The following XRCC3 variants were observed in gnomAD, a reference collection of about 807,000 sequenced individuals.
The protein encoded by XRCC3 is X-ray repair cross complementing 3, also known as DNA repair protein XRCC3.
In XRCC3, 34 loss-of-function variants were observed where a neutral mutation model predicts 29.2. The observed-to-expected ratio is 1.16, with a 90% CI of 0.88 to 1.55. The LOEUF (loss-of-function observed/expected upper bound fraction) is 1.55. XRCC3 is among the 40% of genes most tolerant of loss of function. The pLI, the probability that XRCC3 is intolerant of heterozygous loss-of-function variation, is 0.00. For synonymous variants in XRCC3, 223 were observed against 211.3 expected (o/e 1.06, Z -0.48); for missense variants, 463 against 467.6 (o/e 0.99, Z 0.09).
At chr14:103,705,050 A>T (rs2083385548) in intron 6 of XRCC3, 1 of 152,202 alleles carries the variant, frequency 6.6e-6, no homozygotes, top group Non-Finnish European at 1.5e-5. Context: ...CAGAATTTCA[A>T]ACGTAAAGAA....
At chr14:103,714,953 G>T (rs1595683395) in intron 1 of XRCC3, among the ~76,000 whole-genome samples, 1 of 152,204 alleles carries the variant, frequency 6.6e-6, no homozygotes, top group Non-Finnish European at 1.5e-5. Flanking sequence ...CAAAGTGCTC[G>T]GATTACAGGC....
At chr14:103,712,502 C>T (rs889237562) in intron 2 of XRCC3, 6 of 152,372 alleles carry the variant, frequency 3.9e-5, no homozygotes, top group Admixed American at 1.3e-4. Flanking sequence ...TTGCCCGGCT[C>T]GAAAAGAGGT....
intron 1 of XRCC3, among the ~76,000 whole-genome samples, chr14:103,714,482 A>AAAT (rs1567064841): frequency 6.6e-6 from 1 of 151,904 alleles, no homozygotes; most frequent in African/African-American, 2.4e-5. Context: ...AAAAAAAAAA[A>AAAT]AGAAAAATAG....
At position 103,698,475 on chromosome 14, in the gene XRCC3, G is replaced by A. The variant is rs902157520; in HGVS notation, c.*323C>T. The A allele has an allele frequency of 6.3e-5, 25 of 398,100 alleles. No individual in the cohort carries two copies. The Admixed American group carries it at 8.5e-4, about 14-fold the overall frequency. 24.7% of individuals were successfully genotyped at this position (398,100 alleles called of 1,614,324 possible). On this transcript the variant is annotated 3_prime_UTR_variant, in exon 10 of 10. Coordinates refer to ENST00000555055, the MANE Select transcript of XRCC3 (RefSeq NM_005432.4). ...TCCATGTGGAGAGAAGAAGCAGGCG[G>A]CTCCCAGGGAGTCACTGTAGGACAC...
At chr14:103,706,335 G>C (rs1204040984) in intron 6 of XRCC3, 1 of 456,096 alleles carries the variant, frequency 2.2e-6, no homozygotes, top group Non-Finnish European at 4.4e-6. Context: ...GAGCCTAGCA[G>C]ATGTGCTCGG....
chr14:103,708,761 T>C, intron 4 of XRCC3, 102 bp from the exon 5 acceptor site: 1 of 1,497,770 alleles, frequency 6.7e-7, no homozygotes, highest in Non-Finnish European at 9.2e-7. Flanking sequence ...GAGAGCACCG[T>C]GCTTCCGATT....
At chr14:103,700,962 GT>G (rs1468594080) in intron 7 of XRCC3, among the ~76,000 whole-genome samples, 1 of 152,234 alleles carries the variant, frequency 6.6e-6, no homozygotes, top group Non-Finnish European at 1.5e-5. Context: ...AAGGCTCTGT[GT>G]CCACACCCCT....
chr14:103,699,652 C>T, intron 7 of XRCC3, 76 bp from the exon 8 acceptor site: 1 of 1,486,190 alleles, frequency 6.7e-7, no homozygotes, highest in Non-Finnish European at 9.3e-7. Context: ...TTTGGACTGT[C>T]ACTCGACCGT....
chr14:103,703,721 T>A (rs955284641), intron 6 of XRCC3: 22 of 299,906 alleles, frequency 7.3e-5, no homozygotes, highest in South Asian at 4.5e-4. Context: ...CTTCTGGAAA[T>A]GGCCCCTGAG....
Position 103,698,677 on chromosome 14 carries a change from G to GGAA in XRCC3, c.*118_*120dup, listed in dbSNP as rs2082786370. Reference sequence around the variant, plus strand: ...GATGAGAAAGTGGAGCCGCTGCCCTGGAAGAGCTGTGTCTGAACCAGGCTC... The same window carrying GGAA: ...GATGAGAAAGTGGAGCCGCTGCCCTGGAAGAAGAGCTGTGTCTGAACCAGGCTC... On this transcript the variant is annotated 3_prime_UTR_variant, in exon 10 of 10. Transcript: ENST00000555055. 1 of 894,160 alleles carries GGAA rather than the reference G, an allele frequency of 1.1e-6. No homozygotes were observed. The allele number at this position is 894,160 out of a possible 1,614,324, so 55.4% of individuals were successfully genotyped here. A position where few individuals can be genotyped will look rare whatever the true frequency, so the allele number is the denominator to read the frequency against.
intron 7 of XRCC3, chr14:103,701,871 TAAAAA>T (rs36085845): frequency 6.9e-6 from 1 of 144,484 alleles, no homozygotes; most frequent in South Asian, 2.2e-4. Context: ...GAGACTGTCT[TAAAAA>T]AAAAAAAGAG....
intron 6 of XRCC3, chr14:103,706,423 A>G (rs2083439990): frequency 2.2e-6 from 1 of 455,944 alleles, no homozygotes; most frequent in Non-Finnish European, 4.4e-6. Context: ...TGTTGACACC[A>G]GGGAATTAGT....
At chr14:103,714,006 T>A (rs567175849) in intron 1 of XRCC3, 6 of 152,318 alleles carry the variant, frequency 3.9e-5, no homozygotes, top group Admixed American at 3.9e-4. Flanking sequence ...CGCTCTCCAC[T>A]GCTACCAAGG....
At chr14:103,709,384 G>A (rs2083548653) in intron 4 of XRCC3, 1 of 157,730 alleles carries the variant, frequency 6.3e-6, no homozygotes. Flanking sequence ...GTGCGAGGAA[G>A]CGCACACGAG....
chr14:103,698,324 A>C lies in XRCC3; in HGVS notation c.*474T>G. 1 of 187,306 alleles carries C rather than the reference A, an allele frequency of 5.3e-6. No individual in the cohort carries two copies. The allele number at this position is 187,306 out of a possible 1,614,324, so 11.6% of individuals were successfully genotyped here. On this transcript the variant is annotated 3_prime_UTR_variant, in exon 10 of 10. Transcript: ENST00000555055. ...CTGCCTGCAGCCCCACTGTGGCCTG[A>C]GTGGTGGGGGAGTAAGGACTGCCCT...
Position 103,703,309 on chromosome 14 carries a change from G to T in XRCC3, c.425C>A (p.Thr142Lys), listed in dbSNP as rs201561134. The stretch of plus-strand genomic sequence containing the variant: ...GCGCTTGTGCGGGAAGGCGTCTTCC[G>T]TGCAGATGTAGACGGCTCCTGGGAA... Reference protein sequence around the residue: ...GLEAGAVYICTEDAFPHKRLQ... With the variant: ...GLEAGAVYICKEDAFPHKRLQ... The change falls in exon 7 of 10, where the codon ACG becomes AAG. Residue 142 changes from threonine (T) to lysine (K), a missense_variant. Physicochemically the swap from Thr to Lys is moderately conservative, Grantham distance 78 (BLOSUM62 -1). Transcript: ENST00000555055. 1.3e-6 allele frequency: 2 copies of T among 1,553,640 alleles called. No individual in the cohort carries two copies.
At chr14:103,711,405 G>C in intron 3 of XRCC3, 61 bp downstream of exon 3, 1 of 574,126 alleles carries the variant, frequency 1.7e-6, no homozygotes, top group Middle Eastern at 2.7e-4. Context: ...TTTACCTCCT[G>C]TGGAAAGTGC....
rs959264196 is a variant in XRCC3 at position 103,715,409 on chromosome 14, C to G, written c.-318+15G>C. On this transcript the variant is annotated intron_variant, in intron 1 of 9. Coordinates refer to ENST00000555055, the MANE Select transcript of XRCC3 (RefSeq NM_005432.4). The stretch of plus-strand genomic sequence containing the variant: ...GCTCGCAGCCCGGCTCGCAGCCCGG[C>G]TCGGCGGGCCTCACCTCCCGCGGGT... The G allele has an allele frequency of 1.3e-5, 2 of 152,772 alleles. No homozygotes were observed. Among genetic ancestry groups the G allele is most frequent in the African/African-American group, 4.8e-5 (2 of 41,480 alleles). 9.5% of individuals were successfully genotyped at this position (152,772 alleles called of 1,614,324 possible). A position where few individuals can be genotyped will look rare whatever the true frequency, so the allele number is the denominator to read the frequency against.
Position 103,700,688 on chromosome 14 carries a change from C to T in XRCC3, c.562-1112G>A, listed in dbSNP as rs3212101. ...TGGCCGAGCCTCTTTTTGTGGAAAA[C>T]GACAGCAGCAGCAGTGGCCTGGAAG... On this transcript the variant is annotated intron_variant, in intron 7 of 9. Coordinates refer to ENST00000555055, the MANE Select transcript of XRCC3 (RefSeq NM_005432.4). The T allele has an allele frequency of 4.0e-5, 64 of 1,606,706 alleles. 1 individual carries two copies. In the East Asian group the frequency reaches 4.1e-4, roughly 10 times the overall value.
Sources: gnomAD v4.1 joint callset for allele counts (sites outside exome capture counted in the v4.1 genomes callset) on GRCh38, gnomAD v4.1.1 for gene constraint, MANE v1.5 for transcripts, NCBI Gene and HGNC (gene_info 2026-07-23, HGNC 2026-07-21) for gene names.